MBP: variants seen among roughly 807,000 people sequenced by gnomAD.
MBP encodes myelin basic protein, also known as Golli-MBP.
A neutral mutation model predicts 35.8 loss-of-function variants in MBP; 16 were observed. That is an observed-to-expected ratio of 0.45 (90% CI 0.30 to 0.68). MBP has a LOEUF of 0.68. Ranked by LOEUF, MBP falls within the 30% of genes least tolerant of loss-of-function variation. The pLI is 0.08. For missense variants in MBP, 380 were observed against 404.7 expected (o/e 0.94, Z 0.52); for synonymous variants, 143 against 159.6 (o/e 0.90, Z 0.78).
intron 4 of MBP, among the ~76,000 whole-genome samples, chr18:76,992,424 C>T (rs1387982963): frequency 6.6e-6 from 1 of 152,136 alleles, no homozygotes; most frequent in Non-Finnish European, 1.5e-5. Flanking sequence ...TGCTGTGCAC[C>T]TCGGTTTCTA....
chr18:76,993,473 C>T (rs1970073562), intron 4 of MBP, among the ~76,000 whole-genome samples: 1 of 150,416 alleles, frequency 6.6e-6, no homozygotes, highest in Non-Finnish European at 1.5e-5. Context: ...TTGCTTGAAC[C>T]TCTGAGGCGG....
chr18:77,122,911 A>C (rs1357153980), intron 1 of MBP, among the ~76,000 whole-genome samples: 8 of 152,132 alleles, frequency 5.3e-5, no homozygotes, highest in Non-Finnish European at 2.9e-5. Flanking sequence ...CTACTCCTCT[A>C]CCGAGCACAA....
chr18:77,050,485 C>A (rs575173472), intron 3 of MBP, among the ~76,000 whole-genome samples: 1 of 152,284 alleles, frequency 6.6e-6, no homozygotes, highest in East Asian at 1.9e-4. Flanking sequence ...AGGGCAGTTC[C>A]TTCTTCATTG....
At chr18:77,049,834 G>A (rs1431206728) in intron 3 of MBP, among the ~76,000 whole-genome samples, 2 of 151,566 alleles carry the variant, frequency 1.3e-5, no homozygotes, top group Non-Finnish European at 2.9e-5. Flanking sequence ...TGTCCATCAC[G>A]ACACCCGGCT....
In MBP at chr18:76,988,142, C is replaced by T. The variant is rs1006527901; in HGVS notation, c.750+353G>A. 1 of 1,532,538 alleles carries T rather than the reference C, an allele frequency of 6.5e-7. No individual in the cohort carries two copies. Among genetic ancestry groups the T allele is most frequent in the East Asian group, 2.4e-5 (1 of 40,820 alleles). The allele number at this position is 1,532,538 out of a possible 1,614,324, so 94.9% of individuals were successfully genotyped here. A position where few individuals can be genotyped will look rare whatever the true frequency, so the allele number is the denominator to read the frequency against. On this transcript the variant is annotated intron_variant, in intron 7 of 8. Coordinates refer to ENST00000355994, the MANE Select transcript of MBP (RefSeq NM_001025101.2). The surrounding 1 kb of genome is among the most constrained non-coding windows in gnomAD (Gnocchi z 5.2). Reference sequence around the variant, plus strand: ...TTCCACATGCGGGTTCCTGGGGCTTCTCGCACTGGTTGTGTTGGAGGAAGT... The same window carrying T: ...TTCCACATGCGGGTTCCTGGGGCTTTTCGCACTGGTTGTGTTGGAGGAAGT...
chr18:77,065,998 C>T (rs183314525), intron 3 of MBP: 39 of 293,430 alleles, frequency 1.3e-4, no homozygotes, highest in African/African-American at 6.4e-4. Flanking sequence ...TCTGGGGCCA[C>T]GGGTGCATGC....
chr18:76,980,663 A>G (rs2123030165), intron 8 of MBP, 192 bp from the exon 9 acceptor site: 2 of 584,918 alleles, frequency 3.4e-6, no homozygotes. Flanking sequence ...TGCTAATTGA[A>G]TTTCCAGTTC....
intron 3 of MBP, among the ~76,000 whole-genome samples, chr18:77,040,628 G>A (rs139061772): frequency 0.036 from 5,457 of 152,148 alleles, 161 homozygotes; most frequent in Non-Finnish European, 0.05. Context: ...ATAATGCCGC[G>A]TATCTACAAC....
At chr18:77,009,631 C>A (rs1337950408) in intron 4 of MBP, among the ~76,000 whole-genome samples, 1 of 152,242 alleles carries the variant, frequency 6.6e-6, no homozygotes. Flanking sequence ...GATTCAAAGG[C>A]AGGTCCTCCA....
intron 3 of MBP, among the ~76,000 whole-genome samples, chr18:77,028,414 TC>T (rs1449328751): frequency 1.8e-5 from 2 of 111,506 alleles, no homozygotes; most frequent in Non-Finnish European, 4.4e-5. Context: ...ACGGCAACCA[TC>T]CGATTTCTCA....
intron 2 of MBP, among the ~76,000 whole-genome samples, chr18:77,080,722 C>T (rs1974859498): frequency 6.6e-6 from 1 of 152,158 alleles, no homozygotes; most frequent in Non-Finnish European, 1.5e-5. Context: ...CTCACTCTCT[C>T]ACCCAGGCTG....
chr18:77,111,159 G>A (rs1477065580), intron 1 of MBP, among the ~76,000 whole-genome samples: 1 of 152,090 alleles, frequency 6.6e-6, no homozygotes, highest in Non-Finnish European at 1.5e-5. Flanking sequence ...CTGAAGACAC[G>A]ACTCTGTGGG....
At chr18:77,060,947 A>G (rs1056517065) in intron 3 of MBP, among the ~76,000 whole-genome samples, 3 of 152,192 alleles carry the variant, frequency 2.0e-5, no homozygotes, top group African/African-American at 7.2e-5. Flanking sequence ...CTGACCCTCA[A>G]TGGAACACAG....
At chr18:77,011,672 G>T (rs1971360857) in intron 4 of MBP, among the ~76,000 whole-genome samples, 1 of 152,238 alleles carries the variant, frequency 6.6e-6, no homozygotes, top group South Asian at 2.1e-4. Flanking sequence ...CCTCTTAGGA[G>T]AAATTGTGTG....
intron 4 of MBP, chr18:77,009,817 C>A: frequency 6.5e-7 from 1 of 1,542,794 alleles, no homozygotes; most frequent in African/African-American, 1.4e-5. Context: ...TCACCCCTGG[C>A]CCCGATGGGT....
At chr18:76,986,655 C>T (rs1014618858) in intron 7 of MBP, 31 of 985,414 alleles carry the variant, frequency 3.1e-5, no homozygotes, top group South Asian at 1.4e-4. Context: ...CTCGCTCTTG[C>T]GTCCTAGAGG....
chr18:77,119,109 G>A (rs1976807183), intron 1 of MBP, among the ~76,000 whole-genome samples: 2 of 152,182 alleles, frequency 1.3e-5, no homozygotes, highest in African/African-American at 4.8e-5. Flanking sequence ...AGGTCCCTGA[G>A]GTGGAGCTGG....
intron 4 of MBP, chr18:77,015,995 A>C (rs1971601190): frequency 1.0e-6 from 1 of 985,430 alleles, no homozygotes. Flanking sequence ...TCTCTCCAAA[A>C]TTACACAACC....
At chr18:77,043,697 C>T (rs1354315373) in intron 3 of MBP, among the ~76,000 whole-genome samples, 1 of 152,194 alleles carries the variant, frequency 6.6e-6, no homozygotes, top group Admixed American at 6.5e-5. Context: ...GCGTGCGTGC[C>T]CCGCACCCCG....
Sources: allele counts gnomAD v4.1 joint callset (sites outside exome capture counted in the v4.1 genomes callset), GRCh38; gene constraint gnomAD v4.1.1; non-coding constraint Gnocchi (gnomAD v3.1); transcripts MANE v1.5; gene names NCBI Gene and HGNC (gene_info 2026-07-23, HGNC 2026-07-21).